Variants in XXYLT1 observed in about 807,000 individuals in gnomAD.
The protein encoded by XXYLT1 is UDP-xylose:alpha-xyloside alpha-1,3-xylosyltransferase.
XXYLT1 carries 20 observed loss-of-function variants against 28.9 expected under a neutral mutation model. The observed-to-expected ratio is 0.69, with a 90% CI of 0.49 to 1.00. The LOEUF (loss-of-function observed/expected upper bound fraction) is 1.00, where lower values mean the gene tolerates loss of function less well. Ranked by LOEUF, XXYLT1 falls within the 50% of genes least tolerant of loss-of-function variation. The pLI, the probability that XXYLT1 is intolerant of heterozygous loss-of-function variation, is 0.00. For missense variants in XXYLT1, 542 were observed against 560.1 expected (o/e 0.97, Z 0.33); for synonymous variants, 257 against 253.8 (o/e 1.01, Z -0.12).
Position 195,173,581 on chromosome 3 carries a change from T to C in XXYLT1, c.653-17000A>G, listed in dbSNP as rs2108721412. 6.6e-6 allele frequency among the ~76,000 whole-genome samples: 1 copy of C among 152,350 alleles called. No homozygotes were observed. Among genetic ancestry groups the C allele is most frequent in the Middle Eastern group, 3.4e-3 (1 of 294 alleles). On this transcript the variant is annotated intron_variant, in intron 2 of 3. Coordinates refer to ENST00000310380, the MANE Select transcript of XXYLT1 (RefSeq NM_152531.5). This position sits in a 1 kb window ranked among gnomAD's most constrained non-coding sequence, Gnocchi z 4.3. ...AGCATCATTTTAAAGACCTTTCATT[T>C]TCCTTTCTGGTTTTCAAATGGCCAG...
intron 1 of XXYLT1, among the ~76,000 whole-genome samples, chr3:195,239,436 C>G (rs1724688809): frequency 6.6e-6 from 1 of 152,060 alleles, no homozygotes; most frequent in Non-Finnish European, 1.5e-5. Flanking sequence ...TCCCCCACCT[C>G]GAGAGCTGCA....
chr3:195,204,354 A>G (rs990132944), intron 2 of XXYLT1, among the ~76,000 whole-genome samples: 14 of 151,538 alleles, frequency 9.2e-5, no homozygotes, highest in Admixed American at 3.3e-4. Flanking sequence ...AAAAAAAAAA[A>G]AGAGAGAGAG....
chr3:195,144,078 G>C (rs981514468), intron 3 of XXYLT1, among the ~76,000 whole-genome samples: 5 of 148,594 alleles, frequency 3.4e-5, no homozygotes, highest in Non-Finnish European at 6.0e-5. Context: ...ATTTTTATTA[G>C]AGACGGGGTT....
chr3:195,263,076 TAGCTTCATCAATGAGAC>T (rs1322781093), intron 1 of XXYLT1, among the ~76,000 whole-genome samples: 2 of 152,188 alleles, frequency 1.3e-5, no homozygotes, highest in Admixed American at 1.3e-4. Flanking sequence ...TGTTTGTCAT[TAGCTTCATCAATGAGAC>T]AGCCAGCATC....
At chr3:195,265,175 G>A (rs1402263537) in intron 1 of XXYLT1, among the ~76,000 whole-genome samples, 1 of 152,094 alleles carries the variant, frequency 6.6e-6, no homozygotes, top group Non-Finnish European at 1.5e-5. Context: ...TTCATGACCA[G>A]CCTGGCCAAC....
chr3:195,096,036 G>A (rs34232332), intron 3 of XXYLT1: 75,677 of 151,954 alleles, frequency 0.5, 19,924 homozygotes, highest in Non-Finnish European at 0.56. Context: ...TATGGTCTAA[G>A]CAAAGGCAAG....
intron 1 of XXYLT1, among the ~76,000 whole-genome samples, chr3:195,261,704 A>G (rs1384098199): frequency 6.6e-6 from 1 of 152,132 alleles, no homozygotes; most frequent in Non-Finnish European, 1.5e-5. Flanking sequence ...AAGAAAATGC[A>G]TTTCGGTAAA....
In XXYLT1 at chr3:195,084,027, C is replaced by CA. The variant is rs879868701; in HGVS notation, c.786-13917dup. 8.4e-4 allele frequency among the ~76,000 whole-genome samples: 118 copies of CA among 140,462 alleles called. 2 individuals are homozygous for CA. In the Middle Eastern group the frequency reaches 0.011, roughly 13 times the overall value. The allele number at this position is 140,462 out of a possible 152,430, so 92.1% of individuals were successfully genotyped here. A position where few individuals can be genotyped will look rare whatever the true frequency, so the allele number is the denominator to read the frequency against. On this transcript the variant is annotated intron_variant, in intron 3 of 3. Coordinates refer to ENST00000310380, the MANE Select transcript of XXYLT1 (RefSeq NM_152531.5). ...GGTGACAGTGAGTGAAAATCGGTCT[C>CA]AAAAAAAAAAAAGTGATGTGCTGAT...
Position 195,078,190 on chromosome 3 carries a change from G to A in XXYLT1, c.786-8079C>T, listed in dbSNP as rs1715229607. Among the ~76,000 whole-genome samples the A allele has an allele frequency of 1.3e-5, 2 of 152,086 alleles. No homozygotes were observed. Among genetic ancestry groups the A allele is most frequent in the South Asian group, 4.2e-4 (2 of 4,818 alleles). ...CAGGTGCCCAGAGAACAGCAATGTG[G>A]AGGAGCCCAGCAGGTGGCTGGAGGT... On this transcript the variant is annotated intron_variant, in intron 3 of 3. Coordinates refer to ENST00000310380, the MANE Select transcript of XXYLT1 (RefSeq NM_152531.5). This position sits in a 1 kb window ranked among gnomAD's most constrained non-coding sequence, Gnocchi z 5.0.
chr3:195,194,945 T>G (rs1020361283), intron 2 of XXYLT1, among the ~76,000 whole-genome samples: 1 of 151,988 alleles, frequency 6.6e-6, no homozygotes, highest in Non-Finnish European at 1.5e-5. Flanking sequence ...GAGGAAACAT[T>G]TGGAGGAATG....
intron 2 of XXYLT1, among the ~76,000 whole-genome samples, chr3:195,213,259 CTTTCTT>C (rs1330256594): frequency 2.8e-5 from 4 of 145,068 alleles, no homozygotes; most frequent in African/African-American, 7.8e-5. Flanking sequence ...GCACTTCTTT[CTTTCTT>C]TTTTTTTTTT....
Position 195,271,141 on chromosome 3 carries a change from G to C in XXYLT1, c.-83C>G. The C allele has an allele frequency of 8.0e-7, 1 of 1,256,802 alleles. No homozygotes were observed. Among genetic ancestry groups the C allele is most frequent in the African/African-American group, 1.6e-5 (1 of 63,380 alleles). 77.9% of individuals were successfully genotyped at this position (1,256,802 alleles called of 1,614,324 possible). ...CGGACGCCGGCGGCCACTTAGCCCC[G>C]GCGCCAGGCGGCGGCCATGAAAGGG... On this transcript the variant is annotated 5_prime_UTR_variant, in exon 1 of 4. Transcript: ENST00000310380.
At chr3:195,083,728 G>A (rs1206928821) in intron 3 of XXYLT1, among the ~76,000 whole-genome samples, 1 of 152,190 alleles carries the variant, frequency 6.6e-6, no homozygotes, top group African/African-American at 2.4e-5. Flanking sequence ...TGGAGGCCCA[G>A]AGAGTTACTG....
rs1343984917 is a variant in XXYLT1, at chr3:195,195,430, G to A, written c.652+31279C>T. ...ATTCCTTCCTCAGAGTCGCTCAGGC[G>A]CCTAAGACTGTTCCAGTCAGAAGTC... On this transcript the variant is annotated intron_variant, in intron 2 of 3. Coordinates refer to ENST00000310380, the MANE Select transcript of XXYLT1 (RefSeq NM_152531.5). The surrounding 1 kb of genome is among the most constrained non-coding windows in gnomAD (Gnocchi z 4.4). Among the ~76,000 whole-genome samples the A allele has an allele frequency of 1.3e-5, 2 of 152,154 alleles. No individual in the cohort carries two copies. Among genetic ancestry groups the A allele is most frequent in the African/African-American group, 2.4e-5 (1 of 41,418 alleles).
intron 1 of XXYLT1, among the ~76,000 whole-genome samples, chr3:195,245,123 A>G (rs1007898015): frequency 1.3e-5 from 2 of 149,338 alleles, no homozygotes; most frequent in Non-Finnish European, 3.0e-5. Context: ...CCAAGATTGC[A>G]CCATTGCTCT....
rs1721557499 is a variant in XXYLT1 at position 195,174,420 on chromosome 3, C to G, written c.653-17839G>C. Among the ~76,000 whole-genome samples the G allele has an allele frequency of 3.9e-5, 6 of 152,140 alleles. No individual in the cohort carries two copies. The South Asian group carries it at 1.2e-3, about 32-fold the overall frequency. On this transcript the variant is annotated intron_variant, in intron 2 of 3. Transcript: ENST00000310380. ...GTGGCACAATCACAGCTCACTGCAG[C>G]CTTGATTTCCCGGGCTCAAGTGATC...
intron 2 of XXYLT1, among the ~76,000 whole-genome samples, chr3:195,191,767 G>C (rs1722429298): frequency 6.6e-6 from 1 of 152,210 alleles, no homozygotes; most frequent in Non-Finnish European, 1.5e-5. Context: ...GATCATTAGA[G>C]AGAGACATTT....
chr3:195,183,661 G>A (rs1263255717), intron 2 of XXYLT1: 1 of 152,170 alleles, frequency 6.6e-6, no homozygotes. Flanking sequence ...GTCATTTTCA[G>A]GAATCCAGGG....
chr3:195,178,826 T>C (rs1330347232), intron 2 of XXYLT1, among the ~76,000 whole-genome samples: 1 of 152,200 alleles, frequency 6.6e-6, no homozygotes, highest in East Asian at 1.9e-4. Context: ...GAAGGCTCTC[T>C]CTGAATTTGT....
Sources: gnomAD v4.1 joint callset for allele counts (sites outside exome capture counted in the v4.1 genomes callset) on GRCh38, gnomAD v4.1.1 for gene constraint, Gnocchi (gnomAD v3.1) non-coding constraint, MANE v1.5 for transcripts, NCBI Gene and HGNC (gene_info 2026-07-23, HGNC 2026-07-21) for gene names.